Variants in PTPRD observed in about 807,000 individuals in gnomAD.
The protein encoded by PTPRD is protein tyrosine phosphatase receptor type D.
Under a neutral mutation model 214.5 loss-of-function variants are expected in PTPRD, and 34 were observed. The ratio of observed to expected loss-of-function variants is 0.16; its 90% CI spans 0.12 to 0.21. The LOEUF is 0.21. PTPRD is among the 10% of genes least tolerant of loss of function. PTPRD has a pLI of 1.00. For synonymous variants in PTPRD, 1,128 were observed against 845.7 expected, an observed-to-expected ratio of 1.33 and a Z score of -5.79; for missense variants, 2,545 against 2,398.7, an observed-to-expected ratio of 1.06 and a Z score of -1.27.
chr9:10,035,574 A>G (rs1436104082), intron 3 of PTPRD, among the ~76,000 whole-genome samples: 1 of 151,972 alleles, frequency 6.6e-6, no homozygotes, highest in Non-Finnish European at 1.5e-5. Context: ...TAGGTTTTAC[A>G]TTTAAGTCTT....
chr9:8,579,765 G>A (rs1419730506), intron 14 of PTPRD, among the ~76,000 whole-genome samples: 2 of 152,178 alleles, frequency 1.3e-5, no homozygotes, highest in African/African-American at 2.4e-5. Context: ...ACAGAGACCA[G>A]GAAATTAAGC....
chr9:10,458,087 A>AG (rs1415157594), intron 2 of PTPRD, among the ~76,000 whole-genome samples: 1 of 152,056 alleles, frequency 6.6e-6, no homozygotes, highest in African/African-American at 2.4e-5. Context: ...AGAAAAACCC[A>AG]GGACCCAATG....
intron 11 of PTPRD, among the ~76,000 whole-genome samples, chr9:8,898,552 C>A (rs1454360208): frequency 1.3e-5 from 2 of 152,260 alleles, no homozygotes; most frequent in East Asian, 3.9e-4. Context: ...TTACATTTTA[C>A]ATATATAAAA....
At chr9:8,999,286 C>G (rs573929139) in intron 11 of PTPRD, among the ~76,000 whole-genome samples, 158 of 152,026 alleles carry the variant, frequency 1.0e-3, no homozygotes, top group Non-Finnish European at 1.7e-3. Context: ...CAAACTTCAC[C>G]GTTGTCTTGT....
At chr9:10,087,369 C>G (rs908437913) in intron 3 of PTPRD, among the ~76,000 whole-genome samples, 1 of 151,534 alleles carries the variant, frequency 6.6e-6, no homozygotes, top group Non-Finnish European at 1.5e-5. Flanking sequence ...AAAAGTAATA[C>G]CTACAAGTAT....
At chr9:9,988,712 G>C (rs190719883) in intron 4 of PTPRD, among the ~76,000 whole-genome samples, 2 of 151,692 alleles carry the variant, frequency 1.3e-5, no homozygotes. Context: ...ACATATCTAG[G>C]TATAGTAGAG....
chr9:10,379,015 T>C, intron 2 of PTPRD, among the ~76,000 whole-genome samples: 1 of 152,014 alleles, frequency 6.6e-6, no homozygotes, highest in East Asian at 1.9e-4. Flanking sequence ...ATAGTTTTCA[T>C]TATAGAGATC....
chr9:10,312,275 C>A (rs2096286613), intron 3 of PTPRD, among the ~76,000 whole-genome samples: 1 of 151,912 alleles, frequency 6.6e-6, no homozygotes, highest in South Asian at 2.1e-4. Flanking sequence ...TTGGGGCTAT[C>A]CACTCTTCCT....
At chr9:9,009,006 A>C (rs369170686) in intron 11 of PTPRD, among the ~76,000 whole-genome samples, 99 of 152,288 alleles carry the variant, frequency 6.5e-4, no homozygotes, top group African/African-American at 2.3e-3. Context: ...TTGGCATAAC[A>C]GCTTCAGATG....
At position 10,446,417 on chromosome 9, in the gene PTPRD, C is replaced by CTTTT. The variant is rs34478548; in HGVS notation, c.-599-105404_-599-105401dup. On this transcript the variant is annotated intron_variant, in intron 2 of 45. Coordinates refer to ENST00000381196, the MANE Select transcript of PTPRD (RefSeq NM_002839.4). ...AACTTTTTATTAAAACTATTTTTTT[C>CTTTT]TTTTTTTTTTTTTTTTTTTTTTTGC... is the stretch of plus-strand genomic sequence containing the variant. Among the ~76,000 whole-genome samples, 43 of 92,958 alleles carry CTTTT rather than the reference C, an allele frequency of 4.6e-4. 1 individual carries two copies. The highest frequency in any genetic ancestry group is 9.5e-4 in the East Asian group (3 of 3,170). The allele number at this position is 92,958 out of a possible 152,430, so 61.0% of individuals were successfully genotyped here. A position where few individuals can be genotyped will look rare whatever the true frequency, so the allele number is the denominator to read the frequency against.
chr9:10,077,543 C>T (rs980508241), intron 3 of PTPRD, among the ~76,000 whole-genome samples: 7 of 152,050 alleles, frequency 4.6e-5, no homozygotes, highest in Non-Finnish European at 7.4e-5. Context: ...GTTTATTATA[C>T]AGATAAGTTG....
intron 10 of PTPRD, among the ~76,000 whole-genome samples, chr9:9,065,690 T>C (rs575406438): frequency 2.6e-4 from 40 of 152,260 alleles, no homozygotes; most frequent in Non-Finnish European, 4.9e-4. Context: ...GAGATGATGA[T>C]GGCTTAGATC....
chr9:10,358,565 C>T (rs1039274437), intron 2 of PTPRD, among the ~76,000 whole-genome samples: 2 of 151,814 alleles, frequency 1.3e-5, no homozygotes, highest in South Asian at 2.1e-4. Context: ...ATTTATGTCT[C>T]TTAGCATCAC....
At chr9:10,083,944 G>A (rs2098284987) in intron 3 of PTPRD, among the ~76,000 whole-genome samples, 1 of 151,920 alleles carries the variant, frequency 6.6e-6, no homozygotes, top group Non-Finnish European at 1.5e-5. Flanking sequence ...CCACAGCACT[G>A]GAGTTGGGGA....
chr9:9,873,116 C>T lies in PTPRD; in HGVS notation c.-368+65391G>A, dbSNP rs955314166. Among the ~76,000 whole-genome samples the T allele has an allele frequency of 7.2e-5, 11 of 152,234 alleles. No individual in the cohort carries two copies. In the South Asian group the frequency reaches 2.3e-3, roughly 32 times the overall value. ...TATTCCATGAAGTCAGCACATTTCACTGAATCTCCTACCATAGTGAAGGAA... is the reference window on the plus strand; with the variant it reads ...TATTCCATGAAGTCAGCACATTTCATTGAATCTCCTACCATAGTGAAGGAA... On this transcript the variant is annotated intron_variant, in intron 5 of 45. Transcript: ENST00000381196.
At chr9:9,572,796 C>A (rs141772319) in intron 8 of PTPRD, among the ~76,000 whole-genome samples, 2 of 151,080 alleles carry the variant, frequency 1.3e-5, no homozygotes, top group Admixed American at 6.6e-5. Context: ...GAAATAAGAG[C>A]AAAAACAAAT....
intron 12 of PTPRD, among the ~76,000 whole-genome samples, chr9:8,705,722 T>C (rs1241636964): frequency 1.3e-5 from 2 of 152,228 alleles, no homozygotes; most frequent in Non-Finnish European, 2.9e-5. Flanking sequence ...ATACATGTCT[T>C]GGTAGAAAAT....
intron 2 of PTPRD, among the ~76,000 whole-genome samples, chr9:10,449,720 C>G (rs1376964538): frequency 6.8e-6 from 1 of 146,132 alleles, no homozygotes; most frequent in African/African-American, 2.7e-5. Context: ...CTCTGCCCGG[C>G]AGCCACCCCA....
intron 2 of PTPRD, among the ~76,000 whole-genome samples, chr9:10,363,996 T>TTTGTTTTTTTTTTTTG (rs1555222209): frequency 1.0e-5 from 1 of 98,632 alleles, no homozygotes; most frequent in African/African-American, 3.8e-5. Context: ...TTCGGGTTTT[T>TTTGTTTTTTTTTTTTG]TTTTTTTTTT....
Sources: gnomAD v4.1 joint callset for allele counts (sites outside exome capture counted in the v4.1 genomes callset) on GRCh38, gnomAD v4.1.1 for gene constraint, MANE v1.5 for transcripts, NCBI Gene and HGNC (gene_info 2026-07-23, HGNC 2026-07-21) for gene names.